KIAA0408: variants seen among roughly 807,000 people sequenced by gnomAD.
The protein encoded by KIAA0408 is uncharacterized protein KIAA0408.
In KIAA0408, 51 loss-of-function variants were observed where a neutral mutation model predicts 60.9. The observed-to-expected ratio is 0.84, with a 90% CI of 0.67 to 1.06. The LOEUF (loss-of-function observed/expected upper bound fraction) is 1.06, where lower values mean the gene tolerates loss of function less well. Ranked by LOEUF, KIAA0408 falls within the 50% of genes least tolerant of loss-of-function variation. The pLI, the probability that KIAA0408 is intolerant of heterozygous loss-of-function variation, is 0.00. For synonymous variants in KIAA0408, 304 were observed against 282.4 expected, an observed-to-expected ratio of 1.08 and a Z score of -0.77; for missense variants, 787 against 833.9, an observed-to-expected ratio of 0.94 and a Z score of 0.69.
rs746921568 is a variant in KIAA0408, at chr6:127,446,614, T to G, written c.1705A>C (p.Thr569Pro). ...GCAGACTCTGTTGCTGTCTCATAGG[T>G]TTTCAGCAGCTTTTCCACAACACCA... ...NYGVVEKLLKTYETATESALQ... is the reference protein window; with the variant it reads ...NYGVVEKLLKPYETATESALQ... Residue 569 changes from threonine to proline, a missense_variant, in exon 5 of 6, where the codon ACC becomes CCC. Thr to Pro is a conservative substitution (Grantham distance 38). Around this residue, in one of 3 missense-constraint regions of KIAA0408, gnomAD observed 640 missense variants for 681.3 expected, o/e 0.94. Transcript: ENST00000483725. 1 of 1,614,050 alleles carries G rather than the reference T, an allele frequency of 6.2e-7. No homozygotes were observed. Among genetic ancestry groups the G allele is most frequent in the South Asian group, 1.1e-5 (1 of 91,078 alleles).
At chr6:127,449,048 A>G (rs1028368263) in intron 4 of KIAA0408, among the ~76,000 whole-genome samples, 4 of 152,218 alleles carry the variant, frequency 2.6e-5, no homozygotes, top group African/African-American at 9.6e-5. Context: ...TCCATTACAT[A>G]AACACGAATT....
Position 127,446,402 on chromosome 6 carries a change from T to C in KIAA0408, c.1911+6A>G. 1 of 1,598,772 alleles carries C rather than the reference T, an allele frequency of 6.3e-7. No individual in the cohort carries two copies. The highest frequency in any genetic ancestry group is 8.6e-7 in the Non-Finnish European group (1 of 1,169,484). On this transcript the variant is annotated splice_donor_region_variant and intron_variant, in intron 5 of 5. Transcript: ENST00000483725. ...CTACCAAATTATGTTATATTTGCTT[T>C]CTCACCTCTGTTATCTTTTTCGGAT...
intron 2 of KIAA0408, 100 bp downstream of exon 2, chr6:127,453,747 G>T: frequency 2.0e-6 from 3 of 1,466,462 alleles, no homozygotes; most frequent in South Asian, 1.5e-5. Context: ...CTCTTAGGTC[G>T]AATAAGGAAA....
chr6:127,444,616 A>G (rs1288547453), intron 5 of KIAA0408, among the ~76,000 whole-genome samples: 1 of 152,202 alleles, frequency 6.6e-6, no homozygotes, highest in Non-Finnish European at 1.5e-5. Flanking sequence ...GATGTTTCTT[A>G]GTGCGCTGTT....
rs776033351 is a variant in KIAA0408 at position 127,449,810 on chromosome 6, G to A, written c.578+12C>T. On this transcript the variant is annotated intron_variant, in intron 4 of 5. Coordinates refer to ENST00000483725, the MANE Select transcript of KIAA0408 (RefSeq NM_014702.5). Reference sequence around the variant, plus strand: ...ATTTACCCATCTAAAATAATCAGATGTACCAGCCTACCTTCTATGGTTAGA... The same window carrying A: ...ATTTACCCATCTAAAATAATCAGATATACCAGCCTACCTTCTATGGTTAGA... 1.2e-6 allele frequency: 2 copies of A among 1,613,698 alleles called. No individual in the cohort carries two copies. Among genetic ancestry groups the A allele is most frequent in the East Asian group, 2.2e-5 (1 of 44,866 alleles).
intron 5 of KIAA0408, among the ~76,000 whole-genome samples, 155 bp downstream of exon 5, chr6:127,446,253 T>C (rs967890432): frequency 6.6e-5 from 10 of 152,236 alleles, no homozygotes; most frequent in African/African-American, 2.2e-4. Context: ...TCAAGGTTCA[T>C]GTTGAGTTAT....
At chr6:127,446,174 T>C (rs776644430) in intron 5 of KIAA0408, among the ~76,000 whole-genome samples, 3 of 152,202 alleles carry the variant, frequency 2.0e-5, no homozygotes, top group Non-Finnish European at 4.4e-5. Flanking sequence ...CTTACTGTAT[T>C]TATGTTATCC....
rs749497107 is a variant in KIAA0408, at chr6:127,446,424, G to A, written c.1895C>T (p.Pro632Leu). 7.4e-5 allele frequency: 119 copies of A among 1,603,010 alleles called. No homozygotes were observed. The highest frequency in any genetic ancestry group is 9.8e-5 in the Non-Finnish European group (115 of 1,172,628). Residue 632 changes from proline to leucine, a missense_variant, in exon 5 of 6, where the codon CCG becomes CTG. Around this residue, in one of 3 missense-constraint regions of KIAA0408, gnomAD observed 133 missense variants for 119.2 expected, o/e 1.12. Transcript: ENST00000483725. ...CTTTCTCACCTCTGTTATCTTTTTC[G>A]GATCTATTCCTTGCTTCACTTCCTG... is the stretch of plus-strand genomic sequence containing the variant. ...GGQEVKQGID[P>L]KKITEESMSV...
chr6:127,452,553 T>C (rs984285828), intron 2 of KIAA0408, among the ~76,000 whole-genome samples: 1 of 152,192 alleles, frequency 6.6e-6, no homozygotes, highest in Non-Finnish European at 1.5e-5. Flanking sequence ...TATTGGACAG[T>C]AATAAATTTA....
chr6:127,449,949 T>G, intron 3 of KIAA0408, 41 bp downstream of exon 3: 2 of 1,613,852 alleles, frequency 1.2e-6, no homozygotes, highest in Non-Finnish European at 1.7e-6. Context: ...AATGTAAATA[T>G]TTCTTTAGAA....
In KIAA0408 at chr6:127,443,222, C is replaced by T. The variant is rs1350074723; in HGVS notation, c.*887G>A. On this transcript the variant is annotated 3_prime_UTR_variant, in exon 6 of 6. Coordinates refer to ENST00000483725, the MANE Select transcript of KIAA0408 (RefSeq NM_014702.5). ...TTAAAGAAAAACTAAAATTCAACAT[C>T]ATTCAGTTTCTTTTTGCATCCCATT... 6.6e-6 allele frequency: 1 copy of T among 152,048 alleles called. No individual in the cohort carries two copies. Among genetic ancestry groups the T allele is most frequent in the Non-Finnish European group, 1.5e-5 (1 of 67,974 alleles). 9.4% of individuals were successfully genotyped at this position (152,048 alleles called of 1,614,324 possible).
Position 127,441,559 on chromosome 6 carries a change from A to T in KIAA0408, c.*2550T>A, listed in dbSNP as rs1378461147. ...AAGTCTGCTAGGGAAAACATCTATT[A>T]ATATATGTTTTTAAATCAAATATTT... is the stretch of plus-strand genomic sequence containing the variant. On this transcript the variant is annotated 3_prime_UTR_variant, in exon 6 of 6. Coordinates refer to ENST00000483725, the MANE Select transcript of KIAA0408 (RefSeq NM_014702.5). 1 of 152,194 alleles carries T rather than the reference A, an allele frequency of 6.6e-6. No individual in the cohort carries two copies. The allele number at this position is 152,194 out of a possible 1,614,324, so 9.4% of individuals were successfully genotyped here. A position where few individuals can be genotyped will look rare whatever the true frequency, so the allele number is the denominator to read the frequency against.
In KIAA0408 at chr6:127,450,343, C is replaced by A; in HGVS notation, c.145G>T (p.Glu49Ter). ...MQKKIEELCR[E>*]VKLWRKININ... ...TTGATTTTCCTCCAAAGCTTTACTT[C>A]CCGGCAAAGCTGTAAGAAAAACAAA... The change falls in exon 3 of 6, where the codon GAA becomes TAA. Residue 49 changes from glutamate to a stop codon, truncating the protein, a stop_gained. Transcript: ENST00000483725. LOFTEE classifies it high-confidence loss of function. 1 of 1,584,378 alleles carries A rather than the reference C, an allele frequency of 6.3e-7. No individual in the cohort carries two copies. The highest frequency in any genetic ancestry group is 8.5e-7 in the Non-Finnish European group (1 of 1,170,748).
In KIAA0408 at chr6:127,441,970, C is replaced by G. The variant is rs1043833265; in HGVS notation, c.*2139G>C. 6.6e-6 allele frequency: 1 copy of G among 151,994 alleles called. No homozygotes were observed. Among genetic ancestry groups the G allele is most frequent in the Admixed American group, 6.6e-5 (1 of 15,252 alleles). The allele number at this position is 151,994 out of a possible 1,614,324, so 9.4% of individuals were successfully genotyped here. ...AAAATTGTGAAGTCTGAAAGTATAG[C>G]CATTCTAATTTACAGATAACAAAGG... On this transcript the variant is annotated 3_prime_UTR_variant, in exon 6 of 6. Coordinates refer to ENST00000483725, the MANE Select transcript of KIAA0408 (RefSeq NM_014702.5).
At chr6:127,454,226 A>G (rs1583071725) in intron 1 of KIAA0408, 125 bp from the exon 2 acceptor site, 1 of 896,760 alleles carries the variant, frequency 1.1e-6, no homozygotes, top group East Asian at 4.3e-5. Flanking sequence ...AAAAGAGATG[A>G]CAACAGTCTA....
At chr6:127,453,103 A>T (rs1773330099) in intron 2 of KIAA0408, among the ~76,000 whole-genome samples, 1 of 152,114 alleles carries the variant, frequency 6.6e-6, no homozygotes, top group South Asian at 2.1e-4. Context: ...GCATAAAACC[A>T]TATAAAGTCA....
Position 127,448,705 on chromosome 6 carries a change from C to T in KIAA0408, c.579-965G>A, listed in dbSNP as rs369064220. Among the ~76,000 whole-genome samples, 4 of 152,052 alleles carry T rather than the reference C, an allele frequency of 2.6e-5. No homozygotes were observed. The East Asian group carries it at 5.8e-4, about 22-fold the overall frequency. The stretch of plus-strand genomic sequence containing the variant: ...TACCTATTAACAGAGAATAGAAAAG[C>T]TAAATAGGCAAATAGAGGACAAAGT... On this transcript the variant is annotated intron_variant, in intron 4 of 5. Coordinates refer to ENST00000483725, the MANE Select transcript of KIAA0408 (RefSeq NM_014702.5).
chr6:127,441,408 AAAC>A lies in KIAA0408; in HGVS notation c.*2698_*2700del, dbSNP rs1240145178. On this transcript the variant is annotated 3_prime_UTR_variant, in exon 6 of 6. Transcript: ENST00000483725. ...TGGAGAACTTATGTGACACTGACAC[AAAC>A]ACACACACACACACACACACACAAA... 9.2e-5 allele frequency: 14 copies of A among 151,786 alleles called. No individual in the cohort carries two copies. The highest frequency in any genetic ancestry group is 8.6e-4 in the Admixed American group (13 of 15,198). 9.4% of individuals were successfully genotyped at this position (151,786 alleles called of 1,614,324 possible).
Position 127,444,018 on chromosome 6 carries a change from G to T in KIAA0408, c.*91C>A. The T allele has an allele frequency of 8.5e-7, 1 of 1,170,392 alleles. No individual in the cohort carries two copies. The highest frequency in any genetic ancestry group is 1.2e-6 in the Non-Finnish European group (1 of 810,074). The allele number at this position is 1,170,392 out of a possible 1,614,324, so 72.5% of individuals were successfully genotyped here. On this transcript the variant is annotated 3_prime_UTR_variant, in exon 6 of 6. Coordinates refer to ENST00000483725, the MANE Select transcript of KIAA0408 (RefSeq NM_014702.5). Reference sequence around the variant, plus strand: ...AAGTTAAGATTCAAATTGCTTGTCGGAAGAGAACAGGTCCGCCTGTAAACA... The same window carrying T: ...AAGTTAAGATTCAAATTGCTTGTCGTAAGAGAACAGGTCCGCCTGTAAACA...
Sources: gnomAD v4.1 joint callset for allele counts (sites outside exome capture counted in the v4.1 genomes callset) on GRCh38, gnomAD v4.1.1 for gene constraint, gnomAD v4.1.1 regional missense constraint, MANE v1.5 for transcripts, NCBI Gene and HGNC (gene_info 2026-07-23, HGNC 2026-07-21) for gene names.